The following C19orf47 variants were observed in gnomAD, a reference collection of about 807,000 sequenced individuals.
C19orf47 encodes uncharacterized protein C19orf47.
C19orf47 carries 18 observed loss-of-function variants against 32.3 expected under a neutral mutation model. The observed-to-expected ratio is 0.56, with a 90% CI of 0.39 to 0.83. The LOEUF is 0.83. Among genes scored for constraint, C19orf47 ranks in the 40% least tolerant of loss-of-function variants. The pLI is 0.00. For synonymous variants in C19orf47, 202 were observed against 211.1 expected (o/e 0.96, Z 0.37); for missense variants, 484 against 531.6 (o/e 0.91, Z 0.88).
chr19:40,293,982 T>C, the C19orf47 span, among the ~76,000 whole-genome samples: 2 of 151,948 alleles, frequency 1.3e-5, no homozygotes, highest in African/African-American at 4.8e-5. Flanking sequence ...TAGCAAAGCA[T>C]GGTGGCACAT....
At chr19:40,296,935 G>A in the C19orf47 span, among the ~76,000 whole-genome samples, 1 of 151,800 alleles carries the variant, frequency 6.6e-6, no homozygotes, top group East Asian at 1.9e-4. Flanking sequence ...GATAAAAGTG[G>A]TGCACTTGTA....
chr19:40,319,467 A>T (rs377257309), downstream of C19orf47: 6 of 152,662 alleles, frequency 3.9e-5, no homozygotes, highest in Non-Finnish European at 7.4e-5. Flanking sequence ...TTCTCTAAAC[A>T]GGGAAAGGGC....
downstream of C19orf47, among the ~76,000 whole-genome samples, chr19:40,314,805 CAG>C (rs1310965786): frequency 6.6e-6 from 1 of 152,168 alleles, no homozygotes; most frequent in Non-Finnish European, 1.5e-5. Context: ...ACTTGACAAA[CAG>C]GTGATCAGGA....
the C19orf47 span, among the ~76,000 whole-genome samples, chr19:40,294,129 C>T: frequency 1.3e-5 from 2 of 151,888 alleles, no homozygotes; most frequent in East Asian, 2.0e-4. Context: ...CCAAAAAAAA[C>T]GGGTAGCGGG....
chr19:40,307,989 G>A, the C19orf47 span, among the ~76,000 whole-genome samples: 1 of 151,558 alleles, frequency 6.6e-6, no homozygotes, highest in African/African-American at 2.4e-5. Context: ...TTAGTGAAGA[G>A]GAAACTGAAG....
intron 1 of C19orf47, 101 bp downstream of exon 1, chr19:40,348,223 C>G: frequency 2.6e-6 from 2 of 768,448 alleles, no homozygotes; most frequent in Non-Finnish European, 3.7e-6. Context: ...AATCGTAAGT[C>G]CGAAGCCGTA....
downstream of C19orf47, among the ~76,000 whole-genome samples, chr19:40,314,845 G>A (rs2077651701): frequency 1.3e-5 from 2 of 152,180 alleles, no homozygotes; most frequent in Admixed American, 6.5e-5. Context: ...GAATCATGTG[G>A]TCAGTGTGTC....
At chr19:40,346,925 G>A (rs191452957) in intron 1 of C19orf47, among the ~76,000 whole-genome samples, 195 of 152,256 alleles carry the variant, frequency 1.3e-3, no homozygotes, top group Non-Finnish European at 1.9e-3. Flanking sequence ...GATGTTAAGT[G>A]TGCATCAAAT....
the C19orf47 span, among the ~76,000 whole-genome samples, chr19:40,308,757 C>T: frequency 6.6e-6 from 1 of 152,130 alleles, no homozygotes; most frequent in African/African-American, 2.4e-5. Flanking sequence ...AGCCACCACG[C>T]CCAGAATAGA....
chr19:40,294,124 A>T, the C19orf47 span, among the ~76,000 whole-genome samples: 4 of 152,088 alleles, frequency 2.6e-5, no homozygotes, highest in African/African-American at 9.7e-5. Flanking sequence ...CGTCTCCAAA[A>T]AAAACGGGTA....
chr19:40,295,052 C>T, the C19orf47 span, among the ~76,000 whole-genome samples: 1 of 152,206 alleles, frequency 6.6e-6, no homozygotes, highest in Admixed American at 6.5e-5. Context: ...GACGGAGTCT[C>T]GCCCTGTCGC....
chr19:40,342,213 T>G (rs1338767249), intron 1 of C19orf47: 1 of 382,372 alleles, frequency 2.6e-6, no homozygotes, highest in East Asian at 7.5e-5. Context: ...CAGCCAAGCA[T>G]GCTGGCTCAT....
At chr19:40,305,163 C>G in the C19orf47 span, among the ~76,000 whole-genome samples, 1 of 152,060 alleles carries the variant, frequency 6.6e-6, no homozygotes, top group African/African-American at 2.4e-5. Context: ...GCCAACATAG[C>G]GAAATCCCAT....
intron 1 of C19orf47, among the ~76,000 whole-genome samples, chr19:40,344,838 G>C (rs552676310): frequency 6.6e-6 from 1 of 152,228 alleles, no homozygotes; most frequent in African/African-American, 2.4e-5. Flanking sequence ...CATCTCAGTC[G>C]CTCCTCACAA....
At chr19:40,325,203 G>A (rs2077803830) in intron 7 of C19orf47, among the ~76,000 whole-genome samples, 1 of 151,508 alleles carries the variant, frequency 6.6e-6, no homozygotes, top group Non-Finnish European at 1.5e-5. Context: ...TCAGGAAGCG[G>A]AAGTTGCAGT....
chr19:40,346,155 CA>C (rs111655238), intron 1 of C19orf47, among the ~76,000 whole-genome samples: 1,060 of 85,650 alleles, frequency 0.012, 10 homozygotes, highest in African/African-American at 0.037. Context: ...GACTCCATCT[CA>C]AAAAAAAAAA....
At chr19:40,322,527 G>A (rs903651900) in intron 8 of C19orf47, 151 bp from the exon 9 acceptor site, 3 of 1,042,824 alleles carry the variant, frequency 2.9e-6, no homozygotes, top group African/African-American at 3.2e-5. Context: ...AGCCATGATG[G>A]GGGAGTCCAG....
At chr19:40,328,384 C>T in intron 6 of C19orf47, 29 bp downstream of exon 6, 1 of 1,609,432 alleles carries the variant, frequency 6.2e-7, no homozygotes, top group Non-Finnish European at 8.5e-7. Context: ...CCCTCCAGCT[C>T]CTCCTACCAC....
Position 40,321,940 on chromosome 19 carries a change from T to A in C19orf47, c.1100A>T (p.Gln367Leu), listed in dbSNP as rs1462605305. 6 of 1,613,622 alleles carry A rather than the reference T, an allele frequency of 3.7e-6. No homozygotes were observed. Among genetic ancestry groups the A allele is most frequent in the Non-Finnish European group, 8.5e-7 (1 of 1,179,886 alleles). Reference protein sequence around the residue: ...GSSSSEGLGAQMDHAGTVSVF... With the variant: ...GSSSSEGLGALMDHAGTVSVF... Reference sequence around the variant, plus strand: ...GCTCACAGTGCCCGCGTGGTCCATCTGGGCACCAAGGCCCTCGCTGGAGCT... The same window carrying A: ...GCTCACAGTGCCCGCGTGGTCCATCAGGGCACCAAGGCCCTCGCTGGAGCT... Residue 367 changes from glutamine to leucine, a missense_variant, in exon 9 of 9, where the codon CAG becomes CTG. Physicochemically the swap from Gln to Leu is moderately radical, Grantham distance 113. Transcript: ENST00000683109.
Sources: allele counts gnomAD v4.1 joint callset (sites outside exome capture counted in the v4.1 genomes callset), GRCh38; gene constraint gnomAD v4.1.1; transcripts MANE v1.5; gene names NCBI Gene and HGNC (gene_info 2026-07-23, HGNC 2026-07-21).